Variants in DDAH1 observed in about 807,000 individuals in gnomAD.
The protein encoded by DDAH1 is N(G),N(G)-dimethylarginine dimethylaminohydrolase 1.
A neutral mutation model predicts 28.8 loss-of-function variants in DDAH1; 19 were observed. That is an observed-to-expected ratio of 0.66 (90% CI 0.46 to 0.97). The LOEUF (loss-of-function observed/expected upper bound fraction) is 0.97, where lower values mean the gene tolerates loss of function less well. DDAH1 is among the 50% of genes least tolerant of loss of function. The probability of loss-of-function intolerance (pLI) is 0.00; values close to 1 mark genes in which losing one functional copy is unlikely to be tolerated. For synonymous variants in DDAH1, 153 were observed against 154.4 expected, an observed-to-expected ratio of 0.99 and a Z score of 0.07; for missense variants, 326 against 375.9, an observed-to-expected ratio of 0.87 and a Z score of 1.10.
chr1:85,325,441 A>G (rs1354555487), intron 4 of DDAH1, among the ~76,000 whole-genome samples: 3 of 152,162 alleles, frequency 2.0e-5, no homozygotes, highest in Non-Finnish European at 4.4e-5. Flanking sequence ...GATGGCCTTA[A>G]TACAATGAGC....
At chr1:85,542,603 C>G (rs1050109212) in intron 1 of DDAH1, among the ~76,000 whole-genome samples, 1 of 152,172 alleles carries the variant, frequency 6.6e-6, no homozygotes, top group African/African-American at 2.4e-5. Flanking sequence ...AAGGGAAGAG[C>G]CTTCTGTCTA....
At chr1:85,416,123 A>G (rs906732220) in intron 1 of DDAH1, among the ~76,000 whole-genome samples, 2 of 152,222 alleles carry the variant, frequency 1.3e-5, no homozygotes, top group Non-Finnish European at 2.9e-5. Flanking sequence ...ACATATTTGC[A>G]TATAATTTAC....
intron 1 of DDAH1, among the ~76,000 whole-genome samples, chr1:85,432,546 C>A (rs975638616): frequency 2.6e-5 from 4 of 152,108 alleles, no homozygotes; most frequent in Admixed American, 2.0e-4. Flanking sequence ...TTCCATCGTG[C>A]CTGGAATGAT....
intron 4 of DDAH1, among the ~76,000 whole-genome samples, chr1:85,327,024 G>T (rs1647446638): frequency 6.6e-6 from 1 of 152,174 alleles, no homozygotes; most frequent in South Asian, 2.1e-4. Context: ...GTTACGAATT[G>T]CAATTTAGTT....
chr1:85,468,828 C>T (rs1376958799), upstream of DDAH1, among the ~76,000 whole-genome samples: 1 of 152,108 alleles, frequency 6.6e-6, no homozygotes, highest in Non-Finnish European at 1.5e-5. Flanking sequence ...GGGAACTCTC[C>T]TTTATTAAAC....
intron 1 of DDAH1, among the ~76,000 whole-genome samples, chr1:85,449,741 G>T (rs1273898094): frequency 6.6e-6 from 1 of 152,184 alleles, no homozygotes; most frequent in Non-Finnish European, 1.5e-5. Flanking sequence ...TGTGGTGGGT[G>T]AAAGTCCAAG....
At chr1:85,415,681 G>A (rs1453080495) in intron 1 of DDAH1, among the ~76,000 whole-genome samples, 1 of 152,108 alleles carries the variant, frequency 6.6e-6, no homozygotes, top group Admixed American at 6.5e-5. Context: ...TATTTGGGGG[G>A]AAATAGACAA....
chr1:85,343,127 A>AG lies in DDAH1; in HGVS notation c.597+7287dup, dbSNP rs1386637780. ...TTTGATGGTCTAGTATATACTGGACAGGATGAACAGCACTTTTAAATATAA... is the reference window on the plus strand; with the variant it reads ...TTTGATGGTCTAGTATATACTGGACAGGGATGAACAGCACTTTTAAATATAA... On this transcript the variant is annotated intron_variant, in intron 4 of 5. Coordinates refer to ENST00000284031, the MANE Select transcript of DDAH1 (RefSeq NM_012137.4). 2.0e-5 allele frequency among the ~76,000 whole-genome samples: 3 copies of AG among 152,352 alleles called. No individual in the cohort carries two copies. In the East Asian group the frequency reaches 5.8e-4, roughly 29 times the overall value.
chr1:85,339,277 T>C (rs1648324188), intron 4 of DDAH1, among the ~76,000 whole-genome samples: 1 of 152,150 alleles, frequency 6.6e-6, no homozygotes, highest in Non-Finnish European at 1.5e-5. Flanking sequence ...TGGAACCCTA[T>C]AACGATGAGT....
intron 2 of DDAH1, among the ~76,000 whole-genome samples, chr1:85,492,628 A>G (rs1250006382): frequency 6.6e-6 from 1 of 152,178 alleles, no homozygotes; most frequent in Admixed American, 6.6e-5. Context: ...AATAATGAAC[A>G]TTCTGATTTA....
intron 1 of DDAH1, among the ~76,000 whole-genome samples, chr1:85,412,474 C>G (rs1307960788): frequency 6.6e-6 from 1 of 152,188 alleles, no homozygotes; most frequent in Non-Finnish European, 1.5e-5. Context: ...TAAGCCTTTG[C>G]TCGGTTATTT....
At chr1:85,471,813 T>A (rs562266011) in intron 2 of DDAH1, among the ~76,000 whole-genome samples, 1 of 152,344 alleles carries the variant, frequency 6.6e-6, no homozygotes, top group South Asian at 2.1e-4. Context: ...AAGCTCAACC[T>A]TCTCTGGTCC....
At chr1:85,506,349 C>T (rs113882752) in intron 1 of DDAH1, among the ~76,000 whole-genome samples, 4,502 of 152,274 alleles carry the variant, frequency 0.03, 102 homozygotes, top group Middle Eastern at 0.068. Context: ...TCATACTCTG[C>T]AGTCACAATT....
At chr1:85,510,298 C>T (rs1657177624) in intron 1 of DDAH1, among the ~76,000 whole-genome samples, 1 of 152,168 alleles carries the variant, frequency 6.6e-6, no homozygotes, top group South Asian at 2.1e-4. Context: ...CAAGCAAATG[C>T]TGAGAGAATT....
intron 2 of DDAH1, among the ~76,000 whole-genome samples, chr1:85,353,772 T>C (rs1649353293): frequency 6.6e-6 from 1 of 152,174 alleles, no homozygotes; most frequent in Admixed American, 6.5e-5. Context: ...AAAAAAATAC[T>C]GATTTCTCTC....
chr1:85,364,892 C>T (rs545055512), intron 1 of DDAH1, among the ~76,000 whole-genome samples: 1 of 152,082 alleles, frequency 6.6e-6, no homozygotes, highest in Non-Finnish European at 1.5e-5. Context: ...AAAAAGGGAT[C>T]GAACAGACAT....
At chr1:85,347,576 T>C (rs1411255621) in intron 4 of DDAH1, among the ~76,000 whole-genome samples, 1 of 150,422 alleles carries the variant, frequency 6.6e-6, no homozygotes, top group Admixed American at 6.6e-5. Flanking sequence ...TGAGAACACT[T>C]GGACACAGGA....
chr1:85,479,977 A>G (rs10493766), intron 2 of DDAH1, among the ~76,000 whole-genome samples: 33,564 of 152,236 alleles, frequency 0.22, 4,407 homozygotes, highest in East Asian at 0.45. Context: ...CAGACGTTCA[A>G]TTAAATTCAA....
intron 1 of DDAH1, among the ~76,000 whole-genome samples, chr1:85,421,646 T>G (rs900938171): frequency 5.3e-5 from 8 of 152,224 alleles, no homozygotes; most frequent in Admixed American, 2.6e-4. Context: ...CTTTTCACTA[T>G]TGCTAAAGTT....
Sources: gnomAD v4.1 joint callset for allele counts (sites outside exome capture counted in the v4.1 genomes callset) on GRCh38, gnomAD v4.1.1 for gene constraint, MANE v1.5 for transcripts, NCBI Gene and HGNC (gene_info 2026-07-23, HGNC 2026-07-21) for gene names.